TET2: variants seen among roughly 807,000 people sequenced by gnomAD.
TET2 encodes the protein methylcytosine dioxygenase TET2.
In TET2, 299 loss-of-function variants were observed where a neutral mutation model predicts 142.9. The observed-to-expected ratio is 2.09, with a 90% confidence interval of 1.90 to 2.30. The LOEUF (loss-of-function observed/expected upper bound fraction) is 2.30. TET2 is among the 30% of genes most tolerant of loss of function. The probability of loss-of-function intolerance (pLI) is 0.00; values close to 1 mark genes in which losing one functional copy is unlikely to be tolerated. For synonymous variants in TET2, 819 were observed against 849.0 expected, an observed-to-expected ratio of 0.96 and a Z score of 0.61; for missense variants, 2,418 against 2,378.0, an observed-to-expected ratio of 1.02 and a Z score of -0.35.
intron 2 of TET2, among the ~76,000 whole-genome samples, chr4:105,206,085 A>G (rs1047730045): frequency 6.6e-5 from 10 of 152,090 alleles, no homozygotes; most frequent in African/African-American, 1.9e-4. Context: ...GTTCAGATTT[A>G]TAGTTTGGTA....
rs1731204325 is a variant in TET2, at chr4:105,276,038, A to G, written c.5528A>G (p.Asn1843Ser). 3 of 1,551,596 alleles carry G rather than the reference A, an allele frequency of 1.9e-6. No individual in the cohort carries two copies. In the Admixed American group the frequency reaches 5.9e-5, roughly 30 times the overall value. ...GGTGTGGCTTCTGGTGCAGAGGACAACGATGAGGTCTGGTCAGACAGCGAG... is the reference window on the plus strand; with the variant it reads ...GGTGTGGCTTCTGGTGCAGAGGACAGCGATGAGGTCTGGTCAGACAGCGAG... ...VQGVASGAED[N>S]DEVWSDSEQS... The change falls in exon 11 of 11, where the codon AAC becomes AGC. Residue 1843 changes from asparagine (N) to serine (S), a missense_variant. Coordinates refer to ENST00000380013, the MANE Select transcript of TET2 (RefSeq NM_001127208.3).
chr4:105,240,363 A>ATGG (rs1729226382), intron 3 of TET2: 1 of 1,069,300 alleles, frequency 9.4e-7, no homozygotes, highest in African/African-American at 1.7e-5. Flanking sequence ...AGGATATGTA[A>ATGG]TAGGTCTGTA....
At chr4:105,192,926 G>A (rs1471604049) in intron 2 of TET2, among the ~76,000 whole-genome samples, 1 of 152,126 alleles carries the variant, frequency 6.6e-6, no homozygotes, top group Non-Finnish European at 1.5e-5. Flanking sequence ...ATAAAAACAA[G>A]CCATGAAGTT....
At chr4:105,184,456 CAT>C (rs1725305357) in intron 1 of TET2, among the ~76,000 whole-genome samples, 1 of 152,154 alleles carries the variant, frequency 6.6e-6, no homozygotes, top group Admixed American at 6.5e-5. Context: ...GAAACAACCT[CAT>C]ATGGTGTATG....
intron 1 of TET2, chr4:105,171,426 T>A (rs1470339956): frequency 2.0e-5 from 3 of 152,228 alleles, no homozygotes; most frequent in African/African-American, 7.2e-5. Context: ...CATTGATTAA[T>A]AAGTTTTAAT....
At chr4:105,191,522 C>G (rs777059156) in intron 2 of TET2, among the ~76,000 whole-genome samples, 1 of 151,612 alleles carries the variant, frequency 6.6e-6, no homozygotes, top group Non-Finnish European at 1.5e-5. Flanking sequence ...TTTTTTTTGT[C>G]TATAATCCTT....
At chr4:105,175,597 T>C (rs1047452505) in intron 1 of TET2, among the ~76,000 whole-genome samples, 1 of 151,304 alleles carries the variant, frequency 6.6e-6, no homozygotes, top group Non-Finnish European at 1.5e-5. Flanking sequence ...CTACAAAAGG[T>C]ATAATGTACG....
chr4:105,228,142 G>A (rs1728293245), intron 2 of TET2, among the ~76,000 whole-genome samples: 3 of 151,670 alleles, frequency 2.0e-5, no homozygotes, highest in Admixed American at 6.6e-5. Flanking sequence ...AATATTCCAG[G>A]GTATGTATAT....
chr4:105,201,392 CTT>C (rs1726456211), intron 2 of TET2, among the ~76,000 whole-genome samples: 1 of 152,150 alleles, frequency 6.6e-6, no homozygotes, highest in Non-Finnish European at 1.5e-5. Flanking sequence ...GAAAGTATAA[CTT>C]TATTTTCATG....
chr4:105,273,170 C>A (rs1012234401), intron 10 of TET2, among the ~76,000 whole-genome samples: 1 of 152,144 alleles, frequency 6.6e-6, no homozygotes, highest in African/African-American at 2.4e-5. Context: ...CCCACTCCCC[C>A]ACCATGTGTC....
chr4:105,255,813 A>G (rs1730097360), intron 6 of TET2, among the ~76,000 whole-genome samples: 1 of 151,952 alleles, frequency 6.6e-6, no homozygotes. Flanking sequence ...ATAATTATTG[A>G]TAAGGTAGGA....
At position 105,275,069 on chromosome 4, in the gene TET2, C is replaced by T. The variant is rs757220889; in HGVS notation, c.4559C>T (p.Pro1520Leu). 1.9e-6 allele frequency: 3 copies of T among 1,539,240 alleles called. No homozygotes were observed. The highest frequency in any genetic ancestry group is 2.6e-6 in the Non-Finnish European group (3 of 1,141,676). ...ACAGAACTTTTGCGACTTTCAGGAC[C>T]AGTCATGCAGCAGTCCCAGCAGCCC... ...QLAELLRLSG[P>L]VMQQSQQPQP... The change falls in exon 11 of 11, where the codon CCA (proline) becomes CTA (leucine). Residue 1520 changes from proline (P) to leucine (L), a missense_variant. Pro to Leu is a moderately conservative substitution (Grantham distance 98). Transcript: ENST00000380013.
intron 2 of TET2, among the ~76,000 whole-genome samples, chr4:105,211,527 C>T (rs1727161311): frequency 6.6e-6 from 1 of 152,102 alleles, no homozygotes; most frequent in Admixed American, 6.6e-5. Context: ...CAGAGGAGGG[C>T]CATTAAGAAG....
chr4:105,259,488 T>TG (rs1695776468), intron 6 of TET2, 131 bp from the exon 7 acceptor site: 2 of 777,724 alleles, frequency 2.6e-6, no homozygotes, highest in Non-Finnish European at 3.9e-6. Flanking sequence ...TGTGTGGTTA[T>TG]GCCACAGCTT....
intron 1 of TET2, among the ~76,000 whole-genome samples, chr4:105,152,126 A>G (rs947198083): frequency 1.3e-5 from 2 of 151,984 alleles, no homozygotes; most frequent in Non-Finnish European, 2.9e-5. Context: ...AAACATACAA[A>G]ATTAGCTGGG....
intron 10 of TET2, 30 bp from the exon 11 acceptor site, chr4:105,275,018 T>C (rs2110310934): frequency 6.8e-7 from 1 of 1,469,470 alleles, no homozygotes; most frequent in Non-Finnish European, 9.0e-7. Context: ...CAAAGATACC[T>C]GTTTCTGTTC....
chr4:105,273,237 G>T (rs1401189824), intron 10 of TET2, among the ~76,000 whole-genome samples: 1 of 152,154 alleles, frequency 6.6e-6, no homozygotes, highest in African/African-American at 2.4e-5. Context: ...TATCAATCAT[G>T]GTCTTAGTTC....
intron 1 of TET2, among the ~76,000 whole-genome samples, chr4:105,152,213 A>C (rs556916301): frequency 6.6e-6 from 1 of 152,258 alleles, no homozygotes; most frequent in African/African-American, 2.4e-5. Context: ...CCCGGGAGGC[A>C]GAGGCTGCGG....
intron 1 of TET2, among the ~76,000 whole-genome samples, chr4:105,156,757 T>C (rs1723586877): frequency 6.6e-6 from 1 of 152,140 alleles, no homozygotes; most frequent in South Asian, 2.1e-4. Context: ...AGGGCACCCA[T>C]TAAATACCAT....
Sources: allele counts gnomAD v4.1 joint callset (sites outside exome capture counted in the v4.1 genomes callset), GRCh38; gene constraint gnomAD v4.1.1; transcripts MANE v1.5; gene names NCBI Gene and HGNC (gene_info 2026-07-23, HGNC 2026-07-21).